KDM7A: variants seen among roughly 807,000 people sequenced by gnomAD.
KDM7A encodes the protein lysine-specific demethylase 7A.
A neutral mutation model predicts 114.8 loss-of-function variants in KDM7A; 28 were observed. The observed-to-expected ratio is 0.24, with a 90% confidence interval of 0.18 to 0.33. The LOEUF (loss-of-function observed/expected upper bound fraction) is 0.33, where lower values mean the gene tolerates loss of function less well. Among genes scored for constraint, KDM7A ranks in the 10% least tolerant of loss-of-function variants. The pLI is 1.00. For synonymous variants in KDM7A, 423 were observed against 397.8 expected, an observed-to-expected ratio of 1.06 and a Z score of -0.75; for missense variants, 942 against 1,142.5, an observed-to-expected ratio of 0.82 and a Z score of 2.53.
intron 11 of KDM7A, among the ~76,000 whole-genome samples, chr7:140,109,665 T>G (rs1818400728): frequency 6.6e-6 from 1 of 152,222 alleles, no homozygotes; most frequent in East Asian, 1.9e-4. Flanking sequence ...AAATGATATG[T>G]TTATACTGTT....
intron 9 of KDM7A, 108 bp from the exon 10 acceptor site, chr7:140,113,690 T>A: frequency 2.1e-6 from 1 of 473,182 alleles, no homozygotes; most frequent in Non-Finnish European, 3.8e-6. Context: ...CTATATAACT[T>A]CCAAATTAAT....
chr7:140,171,113 C>CA (rs1794633757), intron 1 of KDM7A, among the ~76,000 whole-genome samples: 1 of 151,946 alleles, frequency 6.6e-6, no homozygotes, highest in Non-Finnish European at 1.5e-5. Flanking sequence ...AGTGCACATG[C>CA]AGCTCAGTAA....
intron 1 of KDM7A, among the ~76,000 whole-genome samples, chr7:140,159,253 A>T (rs1473704629): frequency 6.6e-6 from 1 of 152,230 alleles, no homozygotes; most frequent in Non-Finnish European, 1.5e-5. Flanking sequence ...AGGCTGAGGC[A>T]GGAGAATCAC....
Position 140,129,578 on chromosome 7 carries a change from G to A in KDM7A, c.474C>T (p.Val158=), listed in dbSNP as rs1345145985. 1 of 1,610,324 alleles carries A rather than the reference G, an allele frequency of 6.2e-7. No homozygotes were observed. The highest frequency in any genetic ancestry group is 1.7e-5 in the Admixed American group (1 of 59,992). The change falls in exon 4 of 20, where the codon GTC becomes GTT. Residue 158 remains valine (V), a synonymous_variant. Transcript: ENST00000397560. The stretch of plus-strand genomic sequence containing the variant: ...CATCTAATTTTGGGACCATAATAGG[G>A]ACATCAAATCCATGTTTCTCCAGAT... The part of the protein sequence containing the change: ...QRYLEKHGFD[V]PIMVPKLDDL...
chr7:140,130,767 C>A (rs950283056), intron 3 of KDM7A, among the ~76,000 whole-genome samples: 2 of 151,882 alleles, frequency 1.3e-5, no homozygotes, highest in African/African-American at 4.8e-5. Context: ...ATCCCTGGTC[C>A]CCACCCACTG....
chr7:140,092,080 G>A lies in KDM7A; in HGVS notation c.2458-3C>T. 1 of 1,613,672 alleles carries A rather than the reference G, an allele frequency of 6.2e-7. No individual in the cohort carries two copies. Among genetic ancestry groups the A allele is most frequent in the Non-Finnish European group, 8.5e-7 (1 of 1,179,732 alleles). On this transcript the variant is annotated splice_polypyrimidine_tract_variant and splice_region_variant and intron_variant, in intron 18 of 19. Coordinates refer to ENST00000397560, the MANE Select transcript of KDM7A (RefSeq NM_030647.2). Reference sequence around the variant, plus strand: ...CATTTCTGGCTTCTACTTAGATCCTGAAGGAGGAGGAAGGACATGAGGCTG... The same window carrying A: ...CATTTCTGGCTTCTACTTAGATCCTAAAGGAGGAGGAAGGACATGAGGCTG...
intron 8 of KDM7A, among the ~76,000 whole-genome samples, chr7:140,120,190 T>C (rs1013138573): frequency 1.3e-5 from 2 of 152,180 alleles, no homozygotes; most frequent in East Asian, 1.9e-4. Context: ...TTTCACAAAA[T>C]TTTGAAATTT....
intron 11 of KDM7A, among the ~76,000 whole-genome samples, chr7:140,104,061 GTGA>G (rs1818283673): frequency 6.6e-6 from 1 of 152,216 alleles, no homozygotes; most frequent in Non-Finnish European, 1.5e-5. Context: ...CTGATGGCCA[GTGA>G]TGATGAGCAT....
chr7:140,111,801 A>T (rs1194384965), intron 10 of KDM7A, among the ~76,000 whole-genome samples: 1 of 151,972 alleles, frequency 6.6e-6, no homozygotes, highest in East Asian at 1.9e-4. Context: ...TCTACTAAAA[A>T]TACAAAACTA....
intron 1 of KDM7A, among the ~76,000 whole-genome samples, chr7:140,151,996 C>G (rs891086639): frequency 6.6e-6 from 1 of 152,144 alleles, no homozygotes; most frequent in African/African-American, 2.4e-5. Context: ...AGTGATGAAT[C>G]AACTACAATG....
chr7:140,128,989 A>T (rs1472760946), intron 4 of KDM7A, among the ~76,000 whole-genome samples: 3 of 152,236 alleles, frequency 2.0e-5, no homozygotes, highest in African/African-American at 7.2e-5. Flanking sequence ...ACATCATTAA[A>T]TGGCAATATT....
intron 1 of KDM7A, among the ~76,000 whole-genome samples, chr7:140,168,154 T>C (rs1381265505): frequency 2.0e-5 from 3 of 152,204 alleles, no homozygotes; most frequent in Admixed American, 2.0e-4. Flanking sequence ...ACACTGTTGG[T>C]GGGAATGCAA....
chr7:140,122,781 A>C (rs1183006427), intron 7 of KDM7A, among the ~76,000 whole-genome samples: 2 of 152,200 alleles, frequency 1.3e-5, no homozygotes, highest in Non-Finnish European at 2.9e-5. Flanking sequence ...GACACACCCT[A>C]TGCTGTCCTA....
At chr7:140,174,891 A>C (rs1309171190) in intron 1 of KDM7A, among the ~76,000 whole-genome samples, 1 of 152,234 alleles carries the variant, frequency 6.6e-6, no homozygotes, top group Non-Finnish European at 1.5e-5. Context: ...CTGGGATTAC[A>C]GGCGTGAGCC....
In KDM7A at chr7:140,176,933, G is replaced by A; in HGVS notation, c.5C>T (p.Ala2Val). Residue 2 changes from alanine to valine, a missense_variant, in exon 1 of 20, where the codon GCC becomes GTC. Ala to Val is a moderately conservative substitution (Grantham distance 64). Coordinates refer to ENST00000397560, the MANE Select transcript of KDM7A (RefSeq NM_030647.2). The surrounding 1 kb of genome is among the most constrained non-coding windows in gnomAD (Gnocchi z 4.4). ...CGCGGCCACCGCCGCCGCCGCTCCG[G>A]CCATCTTTAAAAAACACACACACGC... M[A>V]GAAAAVAAGA... The A allele has an allele frequency of 8.6e-7, 1 of 1,156,482 alleles. No individual in the cohort carries two copies. Among genetic ancestry groups the A allele is most frequent in the Non-Finnish European group, 1.1e-6 (1 of 935,002 alleles). The allele number at this position is 1,156,482 out of a possible 1,614,324, so 71.6% of individuals were successfully genotyped here. A position where few individuals can be genotyped will look rare whatever the true frequency, so the allele number is the denominator to read the frequency against.
chr7:140,095,157 C>G (rs776902146), intron 17 of KDM7A, among the ~76,000 whole-genome samples: 2 of 152,158 alleles, frequency 1.3e-5, no homozygotes, highest in Non-Finnish European at 2.9e-5. Flanking sequence ...GATCTAGAAT[C>G]AAATTCCATG....
intron 6 of KDM7A, among the ~76,000 whole-genome samples, chr7:140,126,391 A>C (rs1818702815): frequency 6.6e-6 from 1 of 152,134 alleles, no homozygotes; most frequent in Non-Finnish European, 1.5e-5. Context: ...AAAGAAACCA[A>C]CTTAAAAGAT....
intron 1 of KDM7A, among the ~76,000 whole-genome samples, chr7:140,169,850 A>G (rs1794618993): frequency 6.6e-6 from 1 of 152,200 alleles, no homozygotes; most frequent in South Asian, 2.1e-4. Flanking sequence ...AGCTTATGAG[A>G]GAACTATGTC....
chr7:140,100,692 A>ATATATATATGTG (rs1818194973), intron 12 of KDM7A, among the ~76,000 whole-genome samples: 1 of 36,052 alleles, frequency 2.8e-5, no homozygotes. Context: ...ATATATACAT[A>ATATATATATGTG]TATATATATA....
Sources: gnomAD v4.1 joint callset for allele counts (sites outside exome capture counted in the v4.1 genomes callset) on GRCh38, gnomAD v4.1.1 for gene constraint, Gnocchi (gnomAD v3.1) non-coding constraint, MANE v1.5 for transcripts, NCBI Gene and HGNC (gene_info 2026-07-23, HGNC 2026-07-21) for gene names.